The following MACF1 variants were observed in gnomAD, a reference collection of about 807,000 sequenced individuals.
MACF1 encodes the protein microtubule actin crosslinking factor 1, also known as microtubule-actin cross-linking factor 1.
MACF1 carries 193 observed loss-of-function variants against 854.8 expected under a neutral mutation model. The ratio of observed to expected loss-of-function variants is 0.23; its 90% CI spans 0.20 to 0.25. The LOEUF is 0.25. MACF1 is among the 10% of genes least tolerant of loss of function. The pLI is 1.00. For missense variants in MACF1, 7,722 were observed against 8,929.1 expected, an observed-to-expected ratio of 0.86 and a Z score of 5.45; for synonymous variants, 3,185 against 3,226.7, an observed-to-expected ratio of 0.99 and a Z score of 0.44.
intron 6 of MACF1, among the ~76,000 whole-genome samples, chr1:39,279,741 A>G (rs1032605440): frequency 6.6e-6 from 1 of 152,170 alleles, no homozygotes; most frequent in Admixed American, 6.5e-5. Flanking sequence ...CCTATTTTAA[A>G]TATGGGGAAA....
Position 39,335,874 on chromosome 1 carries a change from G to A in MACF1, c.9286G>A (p.Gly3096Arg), listed in dbSNP as rs757476031. Residue 3096 changes from glycine to arginine, a missense_variant, in exon 37 of 101, where the codon GGG becomes AGG. Transcript: ENST00000564288. Reference protein sequence around the residue: ...EENLSREIACGAQSEPFPCMT... With the variant: ...EENLSREIACRAQSEPFPCMT... ...AAACTTATCTCGAGAAATTGCCTGT[G>A]GGGCCCAGAGTGAACCATTCCCTTG... is the stretch of plus-strand genomic sequence containing the variant. The A allele has an allele frequency of 6.2e-7, 1 of 1,614,012 alleles. No homozygotes were observed. The highest frequency in any genetic ancestry group is 8.5e-7 in the Non-Finnish European group (1 of 1,180,010).
At chr1:39,322,567 T>G in intron 31 of MACF1, 41 bp from the exon 32 acceptor site, 1 of 1,498,580 alleles carries the variant, frequency 6.7e-7, no homozygotes, top group Non-Finnish European at 9.3e-7. Context: ...ATGTGAATTA[T>G]AAAACCCTGA....
chr1:39,327,368 C>T lies in MACF1; in HGVS notation c.4614+15C>T. 1 of 1,577,214 alleles carries T rather than the reference C, an allele frequency of 6.3e-7. No individual in the cohort carries two copies. The highest frequency in any genetic ancestry group is 8.7e-7 in the Non-Finnish European group (1 of 1,151,886). ...CAGAACAAAAGGTACTTTTAGTTTT[C>T]ATCTCCAAATATTGGGTGGATACCT... On this transcript the variant is annotated intron_variant, in intron 36 of 100. Transcript: ENST00000564288.
intron 55 of MACF1, 50 bp from the exon 56 acceptor site, chr1:39,381,903 C>A: frequency 1.5e-6 from 2 of 1,309,254 alleles, no homozygotes; most frequent in Non-Finnish European, 2.2e-6. Context: ...AGGTACCAGG[C>A]CAGTTGTTGA....
chr1:39,384,415 A>G (rs557732485), intron 56 of MACF1, among the ~76,000 whole-genome samples: 60 of 152,318 alleles, frequency 3.9e-4, no homozygotes, highest in African/African-American at 1.4e-3. Context: ...TTTAATCCTT[A>G]TAACAGCCAA....
At chr1:39,320,949 C>G (rs1326910473) in intron 31 of MACF1, among the ~76,000 whole-genome samples, 1 of 152,144 alleles carries the variant, frequency 6.6e-6, no homozygotes, top group Non-Finnish European at 1.5e-5. Flanking sequence ...ACCTGGGCAA[C>G]AGAGAAAGAC....
At chr1:39,157,656 T>C (rs1240313939) in intron 2 of MACF1, among the ~76,000 whole-genome samples, 1 of 152,248 alleles carries the variant, frequency 6.6e-6, no homozygotes, top group Non-Finnish European at 1.5e-5. Context: ...TGCCATGCTA[T>C]CTCATTGGCA....
At position 39,361,659 on chromosome 1, in the gene MACF1, T is replaced by C; in HGVS notation, c.12753T>C (p.His4251=). The change falls in exon 49 of 101, where the codon CAT becomes CAC. Residue 4251 remains histidine (H), a synonymous_variant. Transcript: ENST00000564288. The part of the protein sequence containing the change: ...SGNQPDQDIT[H]FFQQIQELNL... ...ATCAGCCAGATCAAGATATTACACA[T>C]TTCTTCCAACAGATCCAGGTGAGGA... is the stretch of plus-strand genomic sequence containing the variant. 1 of 1,614,094 alleles carries C rather than the reference T, an allele frequency of 6.2e-7. No homozygotes were observed. Among genetic ancestry groups the C allele is most frequent in the Non-Finnish European group, 8.5e-7 (1 of 1,179,996 alleles).
At chr1:39,195,860 G>A (rs1043179313) in intron 2 of MACF1, among the ~76,000 whole-genome samples, 4 of 152,136 alleles carry the variant, frequency 2.6e-5, no homozygotes, top group Admixed American at 2.0e-4. Flanking sequence ...TGTGGTGAAC[G>A]AGGGCAGGGT....
intron 1 of MACF1, among the ~76,000 whole-genome samples, chr1:39,212,724 G>A (rs1281410203): frequency 6.6e-6 from 1 of 152,208 alleles, no homozygotes; most frequent in Non-Finnish European, 1.5e-5. Flanking sequence ...TGGAGTTCAA[G>A]TGATTCTCGT....
At chr1:39,264,277 C>CT (rs1645204345) in intron 6 of MACF1, among the ~76,000 whole-genome samples, 1 of 152,156 alleles carries the variant, frequency 6.6e-6, no homozygotes, top group African/African-American at 2.4e-5. Flanking sequence ...ATATACTTTC[C>CT]TTCAGTTTGC....
chr1:39,399,556 T>C (rs1012661826), intron 58 of MACF1, among the ~76,000 whole-genome samples: 3 of 152,004 alleles, frequency 2.0e-5, no homozygotes, highest in Non-Finnish European at 4.4e-5. Context: ...TTTGTATTTT[T>C]AGTAGAGACA....
chr1:39,267,605 A>T (rs531676626), intron 6 of MACF1, among the ~76,000 whole-genome samples: 2 of 152,382 alleles, frequency 1.3e-5, no homozygotes, highest in East Asian at 3.9e-4. Flanking sequence ...TAAGAATTAA[A>T]TGAGAAAGTC....
At chr1:39,330,865 A>C (rs1646710411) in intron 36 of MACF1, among the ~76,000 whole-genome samples, 1 of 150,240 alleles carries the variant, frequency 6.7e-6, no homozygotes, top group South Asian at 2.1e-4. Flanking sequence ...GCAGTGATGC[A>C]ATCTCAGCTC....
intron 98 of MACF1, 188 bp downstream of exon 98, chr1:39,480,197 T>A (rs1209192627): frequency 4.4e-6 from 2 of 454,764 alleles, no homozygotes; most frequent in East Asian, 6.8e-5. Context: ...TACACAGATA[T>A]ATGGCCTTTA....
At chr1:39,115,005 G>A (rs1179405279) in intron 2 of MACF1, among the ~76,000 whole-genome samples, 2 of 152,158 alleles carry the variant, frequency 1.3e-5, no homozygotes, top group South Asian at 4.1e-4. Flanking sequence ...GATAAGGTTG[G>A]AGCATAGGAT....
At chr1:39,151,320 C>A (rs1383052666) in intron 2 of MACF1, among the ~76,000 whole-genome samples, 1 of 152,164 alleles carries the variant, frequency 6.6e-6, no homozygotes. Flanking sequence ...AGTTCAGATT[C>A]TGTATCTATA....
chr1:39,151,624 C>T (rs1436106189), intron 2 of MACF1, among the ~76,000 whole-genome samples: 2 of 152,190 alleles, frequency 1.3e-5, no homozygotes, highest in African/African-American at 4.8e-5. Flanking sequence ...GTTCCCCTCA[C>T]TCTTAATTCT....
chr1:39,317,402 G>A lies in MACF1; in HGVS notation c.3777G>A (p.Glu1259=). 2 of 1,612,346 alleles carry A rather than the reference G, an allele frequency of 1.2e-6. No homozygotes were observed. The highest frequency in any genetic ancestry group is 1.7e-6 in the Non-Finnish European group (2 of 1,179,774). Residue 1259 remains glutamate, a synonymous_variant, in exon 29 of 101, where the codon GAG becomes GAA. Coordinates refer to ENST00000564288, the MANE Select transcript of MACF1 (RefSeq NM_001394062.1). ...ERWHRVIAQL[E]IRQSELESIQ... ...GGCACCGAGTCATTGCCCAGCTCGA[G>A]ATTCGGTGAGTGGTGGCCCCACCTT...
Sources: allele counts gnomAD v4.1 joint callset (sites outside exome capture counted in the v4.1 genomes callset), GRCh38; gene constraint gnomAD v4.1.1; transcripts MANE v1.5; gene names NCBI Gene and HGNC (gene_info 2026-07-23, HGNC 2026-07-21).